The following ANO10 variants were observed in gnomAD, a reference collection of about 807,000 sequenced individuals.
ANO10 encodes anoctamin 10.
ANO10 carries 77 observed loss-of-function variants against 74.7 expected under a neutral mutation model. The ratio of observed to expected loss-of-function variants is 1.03; its 90% CI spans 0.86 to 1.25. The LOEUF (loss-of-function observed/expected upper bound fraction) is 1.25. Among genes scored for constraint, ANO10 ranks in the 50% most tolerant of loss-of-function variants. The pLI is 0.00. For synonymous variants in ANO10, 279 were observed against 284.9 expected (o/e 0.98, Z 0.21); for missense variants, 721 against 778.1 (o/e 0.93, Z 0.87).
chr3:43,655,280 G>A (rs932466275), intron 1 of ANO10, among the ~76,000 whole-genome samples: 20 of 152,070 alleles, frequency 1.3e-4, no homozygotes, highest in African/African-American at 3.4e-4. Flanking sequence ...TTAAGGTGGC[G>A]CGTCTGGAGC....
chr3:43,554,981 T>C (rs1307887288), intron 10 of ANO10, among the ~76,000 whole-genome samples: 1 of 152,202 alleles, frequency 6.6e-6, no homozygotes, highest in Non-Finnish European at 1.5e-5. Context: ...GTCTCATTAA[T>C]ACTGGCTGAG....
chr3:43,681,719 A>G (rs1433548736), intron 1 of ANO10, among the ~76,000 whole-genome samples: 1 of 152,240 alleles, frequency 6.6e-6, no homozygotes, highest in Non-Finnish European at 1.5e-5. Context: ...CAGAAATTAT[A>G]ACAAACTGTC....
intron 3 of ANO10, among the ~76,000 whole-genome samples, chr3:43,599,231 G>A (rs186951387): frequency 3.3e-5 from 5 of 152,278 alleles, no homozygotes; most frequent in African/African-American, 4.8e-5. Context: ...TAAAAATCTA[G>A]AGTAAGTGAA....
chr3:43,372,241 C>T (rs751370157), intron 12 of ANO10, among the ~76,000 whole-genome samples: 1 of 152,132 alleles, frequency 6.6e-6, no homozygotes, highest in African/African-American at 2.4e-5. Flanking sequence ...GCCATCTCTG[C>T]GGATGCCTGC....
intron 2 of ANO10, among the ~76,000 whole-genome samples, chr3:43,601,944 C>T (rs891874211): frequency 2.6e-5 from 4 of 152,224 alleles, no homozygotes; most frequent in African/African-American, 9.6e-5. Flanking sequence ...CCTTAAGATC[C>T]TTCCCCCAGC....
intron 11 of ANO10, among the ~76,000 whole-genome samples, chr3:43,480,289 G>C (rs2076218338): frequency 6.6e-6 from 1 of 152,166 alleles, no homozygotes; most frequent in African/African-American, 2.4e-5. Flanking sequence ...ATGGAGAAAA[G>C]ATAATTCTCA....
At chr3:43,627,444 C>T (rs975135495) in intron 1 of ANO10, among the ~76,000 whole-genome samples, 3 of 152,248 alleles carry the variant, frequency 2.0e-5, no homozygotes, top group Non-Finnish European at 4.4e-5. Flanking sequence ...ATGTGGACAC[C>T]TTAATCTGTG....
chr3:43,385,691 A>G (rs1575622897), intron 12 of ANO10, among the ~76,000 whole-genome samples: 2 of 150,800 alleles, frequency 1.3e-5, no homozygotes. Flanking sequence ...GTCCTCACTC[A>G]TAACTGGGAG....
intron 11 of ANO10, among the ~76,000 whole-genome samples, chr3:43,477,248 T>C (rs1170502916): frequency 6.6e-6 from 1 of 152,192 alleles, no homozygotes; most frequent in African/African-American, 2.4e-5. Context: ...TAAGAAAAGC[T>C]AGAATAATAT....
At chr3:43,528,514 G>A (rs2078310269) in intron 11 of ANO10, among the ~76,000 whole-genome samples, 1 of 151,980 alleles carries the variant, frequency 6.6e-6, no homozygotes, top group South Asian at 2.1e-4. Flanking sequence ...TAAAGAAAAG[G>A]AAGAAGAGAA....
chr3:43,479,464 A>G (rs1052141343), intron 11 of ANO10, among the ~76,000 whole-genome samples: 3 of 152,214 alleles, frequency 2.0e-5, no homozygotes, highest in Non-Finnish European at 4.4e-5. Context: ...ACAGTACTCA[A>G]CAATAAAAAA....
intron 1 of ANO10, among the ~76,000 whole-genome samples, chr3:43,666,763 C>G (rs2083997431): frequency 6.6e-6 from 1 of 152,180 alleles, no homozygotes; most frequent in African/African-American, 2.4e-5. Flanking sequence ...GGCTTGCTCC[C>G]TTCTAAGAGA....
chr3:43,483,048 C>T lies in ANO10; in HGVS notation c.1798-50321G>A, dbSNP rs367934380. On this transcript the variant is annotated intron_variant, in intron 11 of 12. Transcript: ENST00000292246. ...TCTCTTAAAAGATTCAATTTTTGGT[C>T]ATGTTTAAGAATTAATGATATCTTC... Among the ~76,000 whole-genome samples the T allele has an allele frequency of 1.3e-4, 20 of 152,264 alleles. No individual in the cohort carries two copies. In the South Asian group the frequency reaches 2.3e-3, roughly 17 times the overall value.
intron 12 of ANO10, among the ~76,000 whole-genome samples, chr3:43,418,447 C>T (rs2092774455): frequency 6.6e-6 from 1 of 152,168 alleles, no homozygotes; most frequent in Non-Finnish European, 1.5e-5. Context: ...TGCTGAGGGT[C>T]TGATTTTAGA....
At chr3:43,379,308 T>C (rs34823561) in intron 12 of ANO10, among the ~76,000 whole-genome samples, 85,841 of 152,178 alleles carry the variant, frequency 0.56, 27,454 homozygotes, top group East Asian at 0.77. Flanking sequence ...AAGCATATGT[T>C]TTTTATTAAA....
chr3:43,461,412 A>G (rs909130877), intron 11 of ANO10, among the ~76,000 whole-genome samples: 2 of 152,238 alleles, frequency 1.3e-5, no homozygotes, highest in Non-Finnish European at 2.9e-5. Context: ...TTGGGAAAGT[A>G]TATAAAACAT....
At chr3:43,573,789 T>C (rs960739493) in intron 7 of ANO10, among the ~76,000 whole-genome samples, 4 of 152,216 alleles carry the variant, frequency 2.6e-5, no homozygotes, top group Non-Finnish European at 4.4e-5. Flanking sequence ...GGGAACCTTT[T>C]GAACTTTGGA....
chr3:43,544,532 C>T (rs557492482), intron 11 of ANO10, among the ~76,000 whole-genome samples: 18 of 152,200 alleles, frequency 1.2e-4, no homozygotes, highest in Non-Finnish European at 1.8e-4. Context: ...GTGGTTCACA[C>T]CTGTAATCCC....
chr3:43,382,118 C>T (rs1261730638), intron 12 of ANO10, among the ~76,000 whole-genome samples: 1 of 152,206 alleles, frequency 6.6e-6, no homozygotes, highest in Non-Finnish European at 1.5e-5. Context: ...GCATTAAATG[C>T]CTACGTCACA....
Sources: gnomAD v4.1 joint callset for allele counts (sites outside exome capture counted in the v4.1 genomes callset) on GRCh38, gnomAD v4.1.1 for gene constraint, MANE v1.5 for transcripts, NCBI Gene and HGNC (gene_info 2026-07-23, HGNC 2026-07-21) for gene names.